Variants in VAC14 observed in about 807,000 individuals in gnomAD.
The protein encoded by VAC14 is VAC14 component of PIKFYVE complex.
In VAC14, 47 loss-of-function variants were observed where a neutral mutation model predicts 85.3. The observed-to-expected ratio is 0.55, with a 90% CI of 0.44 to 0.70. The LOEUF (loss-of-function observed/expected upper bound fraction) is 0.70, where lower values mean the gene tolerates loss of function less well. VAC14 is among the 30% of genes least tolerant of loss of function. The pLI is 0.00. For synonymous variants in VAC14, 447 were observed against 430.5 expected (o/e 1.04, Z -0.47); for missense variants, 861 against 1,004.3 (o/e 0.86, Z 1.93).
intron 14 of VAC14, among the ~76,000 whole-genome samples, chr16:70,728,711 G>A (rs973574814): frequency 3.9e-5 from 6 of 152,240 alleles, no homozygotes; most frequent in Non-Finnish European, 8.8e-5. Flanking sequence ...ATGTGGGGCT[G>A]AGACAGGGTG....
chr16:70,691,329 A>C, intron 18 of VAC14: 1 of 985,460 alleles, frequency 1.0e-6, no homozygotes, highest in Non-Finnish European at 1.2e-6. Flanking sequence ...ACAGGGAAGC[A>C]GCCCTTCCTG....
At chr16:70,689,958 A>G (rs113548374) in intron 18 of VAC14, 3 of 985,526 alleles carry the variant, frequency 3.0e-6, no homozygotes, top group African/African-American at 3.5e-5. Context: ...GGCCAAGGCC[A>G]CAGGTGTGAC....
chr16:70,712,120 G>C (rs2142996011), intron 14 of VAC14, among the ~76,000 whole-genome samples: 1 of 152,144 alleles, frequency 6.6e-6, no homozygotes, highest in African/African-American at 2.4e-5. Context: ...TTTGTGATCA[G>C]CCATTTTCAG....
At chr16:70,800,306 A>C (rs11863319) in intron 1 of VAC14, among the ~76,000 whole-genome samples, 33,593 of 152,118 alleles carry the variant, frequency 0.22, 4,228 homozygotes, top group African/African-American at 0.35. Flanking sequence ...ATAAAACAAA[A>C]AACTCTCTGA....
chr16:70,696,183 C>T (rs2053703369), intron 16 of VAC14, among the ~76,000 whole-genome samples: 1 of 152,190 alleles, frequency 6.6e-6, no homozygotes, highest in Non-Finnish European at 1.5e-5. Context: ...ACATGTCAGG[C>T]ACCCATGGAT....
At chr16:70,736,606 T>G (rs917775831) in intron 13 of VAC14, among the ~76,000 whole-genome samples, 35 of 152,164 alleles carry the variant, frequency 2.3e-4, no homozygotes, top group African/African-American at 6.8e-4. Flanking sequence ...GCCCCTAGTG[T>G]GGACCCAAAA....
At chr16:70,727,161 C>T (rs961521397) in intron 14 of VAC14, among the ~76,000 whole-genome samples, 5 of 152,160 alleles carry the variant, frequency 3.3e-5, no homozygotes, top group African/African-American at 1.2e-4. Context: ...CACTTGCTGG[C>T]CAGAAGAATC....
chr16:70,776,936 T>C (rs1275285721), intron 9 of VAC14, among the ~76,000 whole-genome samples: 1 of 151,928 alleles, frequency 6.6e-6, no homozygotes, highest in African/African-American at 2.4e-5. Context: ...GCCTCCCAAG[T>C]AGCTTGGACT....
chr16:70,744,236 G>A lies in VAC14; in HGVS notation c.1528+187C>T, dbSNP rs76242843. ...TGAGGGTCTCTGGAGGCTGCTAGAG[G>A]ACTAGGGCTGCCTGCCTCTGGGCGG... On this transcript the variant is annotated intron_variant, in intron 13 of 18. Coordinates refer to ENST00000261776, the MANE Select transcript of VAC14 (RefSeq NM_018052.5). Among the ~76,000 whole-genome samples the A allele has an allele frequency of 5.9e-3, 893 of 152,216 alleles. 29 individuals are homozygous for A. In the East Asian group the frequency reaches 0.075, roughly 13 times the overall value.
intron 3 of VAC14, among the ~76,000 whole-genome samples, 180 bp from the exon 4 acceptor site, chr16:70,785,018 G>A (rs1432260066): frequency 6.6e-6 from 1 of 152,232 alleles, no homozygotes; most frequent in Non-Finnish European, 1.5e-5. Context: ...TGGGTACAAT[G>A]GAGTTGGCTG....
At chr16:70,795,062 T>C (rs1247325333) in intron 1 of VAC14, among the ~76,000 whole-genome samples, 2 of 152,226 alleles carry the variant, frequency 1.3e-5, no homozygotes, top group Non-Finnish European at 2.9e-5. Flanking sequence ...CTAGGGACAA[T>C]AGGCTCTACC....
At position 70,783,435 on chromosome 16, in the gene VAC14, C is replaced by A. The variant is rs2033906078; in HGVS notation, c.704+10G>T. 3 of 1,613,570 alleles carry A rather than the reference C, an allele frequency of 1.9e-6. No homozygotes were observed. In the African/African-American group the frequency reaches 4.0e-5, roughly 22 times the overall value. ...GGAGGCAGCAGCTTCCTGCCCCTTA[C>A]TCCACTCACATTTTGCGAATCTCTT... On this transcript the variant is annotated intron_variant, in intron 6 of 18. Coordinates refer to ENST00000261776, the MANE Select transcript of VAC14 (RefSeq NM_018052.5).
At position 70,783,428 on chromosome 16, in the gene VAC14, C is replaced by A; in HGVS notation, c.704+17G>T. 2 of 1,613,006 alleles carry A rather than the reference C, an allele frequency of 1.2e-6. No homozygotes were observed. The highest frequency in any genetic ancestry group is 8.5e-7 in the Non-Finnish European group (1 of 1,179,302). On this transcript the variant is annotated intron_variant, in intron 6 of 18. Coordinates refer to ENST00000261776, the MANE Select transcript of VAC14 (RefSeq NM_018052.5). ...GGTGGCAGGAGGCAGCAGCTTCCTG[C>A]CCCTTACTCCACTCACATTTTGCGA...
chr16:70,774,172 G>A (rs142397528), intron 9 of VAC14, among the ~76,000 whole-genome samples: 4 of 152,086 alleles, frequency 2.6e-5, no homozygotes, highest in Non-Finnish European at 5.9e-5. Context: ...TTCCATTCCT[G>A]GCCTTTTGTT....
At chr16:70,760,758 G>A (rs1163484394) in intron 12 of VAC14, among the ~76,000 whole-genome samples, 2 of 152,170 alleles carry the variant, frequency 1.3e-5, no homozygotes, top group Non-Finnish European at 2.9e-5. Context: ...AGCTGGATGG[G>A]ATTAAACAAC....
intron 14 of VAC14, among the ~76,000 whole-genome samples, chr16:70,712,141 G>T (rs2054048356): frequency 6.6e-6 from 1 of 151,970 alleles, no homozygotes; most frequent in Non-Finnish European, 1.5e-5. Flanking sequence ...AGAATTTTAA[G>T]ACGGATGAAA....
At chr16:70,755,208 G>A in intron 12 of VAC14, 1 of 348,080 alleles carries the variant, frequency 2.9e-6, no homozygotes, top group Non-Finnish European at 5.8e-6. Context: ...AGATGGAGAG[G>A]GCTTCTGGAC....
chr16:70,782,978 T>C (rs2033882157), intron 7 of VAC14, 55 bp downstream of exon 7: 3 of 1,481,760 alleles, frequency 2.0e-6, no homozygotes, highest in African/African-American at 1.4e-5. Context: ...TCTGCAGAGG[T>C]GGCAGTGGCA....
At chr16:70,691,142 A>G in intron 18 of VAC14, 1 of 985,468 alleles carries the variant, frequency 1.0e-6, no homozygotes, top group Non-Finnish European at 1.2e-6. Context: ...TCATTTTCCC[A>G]GCTTCCCTCT....
Sources: allele counts gnomAD v4.1 joint callset (sites outside exome capture counted in the v4.1 genomes callset), GRCh38; gene constraint gnomAD v4.1.1; transcripts MANE v1.5; gene names NCBI Gene and HGNC (gene_info 2026-07-23, HGNC 2026-07-21).